The following AGMAT variants were observed in gnomAD, a reference collection of about 807,000 sequenced individuals.
AGMAT encodes the protein guanidino acid hydrolase, mitochondrial.
AGMAT carries 37 observed loss-of-function variants against 29.3 expected under a neutral mutation model. The observed-to-expected ratio is 1.26, with a 90% CI of 0.97 to 1.66. AGMAT has a LOEUF of 1.66. Among genes scored for constraint, AGMAT ranks in the 40% most tolerant of loss-of-function variants. The pLI, the probability that AGMAT is intolerant of heterozygous loss-of-function variation, is 0.00. For missense variants in AGMAT, 498 were observed against 497.8 expected (o/e 1.00, Z 0.00); for synonymous variants, 199 against 200.8 (o/e 0.99, Z 0.08).
chr1:15,577,228 A>G (rs1214051403), intron 5 of AGMAT, among the ~76,000 whole-genome samples: 1 of 152,074 alleles, frequency 6.6e-6, no homozygotes, highest in African/African-American at 2.4e-5. Context: ...AGGGTATTCA[A>G]ACTTATCCTC....
At chr1:15,580,632 C>T (rs1043276410) in intron 2 of AGMAT, among the ~76,000 whole-genome samples, 3 of 152,032 alleles carry the variant, frequency 2.0e-5, no homozygotes, top group African/African-American at 4.8e-5. Context: ...AAGCTGTGAT[C>T]GTGCCACTGC....
rs1301742709 is a variant in AGMAT, at chr1:15,577,705, C to T, written c.880G>A (p.Ala294Thr). 2.5e-6 allele frequency: 4 copies of T among 1,613,718 alleles called. No homozygotes were observed. Among genetic ancestry groups the T allele is most frequent in the Non-Finnish European group, 3.4e-6 (4 of 1,179,668 alleles). The stretch of plus-strand genomic sequence containing the variant: ...CTTACCTGACTAGGAGTGAGACCAG[C>T]AATTTCAGGTGTCCCTGTCCCTGGC... ...YAPGTGTPEI[A>T]GLTPSQALEI... Residue 294 changes from alanine to threonine, a missense_variant, in exon 5 of 7, where the codon GCT becomes ACT. Physicochemically the swap from Ala to Thr is moderately conservative, Grantham distance 58. Transcript: ENST00000375826.
intron 5 of AGMAT, among the ~76,000 whole-genome samples, chr1:15,576,655 C>A (rs1237000753): frequency 6.7e-6 from 1 of 149,626 alleles, no homozygotes; most frequent in African/African-American, 2.5e-5. Context: ...GTCTCGAACT[C>A]CTGACCTTGT....
At chr1:15,584,290 G>A (rs986365226) in intron 1 of AGMAT, among the ~76,000 whole-genome samples, 8 of 150,342 alleles carry the variant, frequency 5.3e-5, no homozygotes, top group African/African-American at 1.2e-4. Flanking sequence ...TTACAGGCCC[G>A]CGCCACCATG....
At position 15,573,385 on chromosome 1, in the gene AGMAT, C is replaced by T. The variant is rs186331666; in HGVS notation, c.*266G>A. 7.7e-4 allele frequency: 294 copies of T among 382,100 alleles called. No homozygotes were observed. Among genetic ancestry groups the T allele is most frequent in the Admixed American group, 1.1e-3 (28 of 26,002 alleles). 23.7% of individuals were successfully genotyped at this position (382,100 alleles called of 1,614,324 possible). A position where few individuals can be genotyped will look rare whatever the true frequency, so the allele number is the denominator to read the frequency against. On this transcript the variant is annotated 3_prime_UTR_variant, in exon 7 of 7. Transcript: ENST00000375826. ...TTGAAAGAAATTCTCCTCACTTCCC[C>T]TTTATCCTCCATCTTTCATCAAAGG...
At chr1:15,575,795 C>T (rs1459356009) in intron 5 of AGMAT, 4 of 151,948 alleles carry the variant, frequency 2.6e-5, no homozygotes, top group African/African-American at 4.8e-5. Flanking sequence ...CTCTGTCACC[C>T]GGGCTATAGT....
In AGMAT at chr1:15,580,162, A is replaced by G. The variant is rs1364951966; in HGVS notation, c.476-20T>C. On this transcript the variant is annotated intron_variant, in intron 2 of 6. Transcript: ENST00000375826. ...CTCCACCTGCAAAGAGGAAGAAGAA[A>G]ACATCTGGAAAGTGAATTGGAGGAT... 6.2e-7 allele frequency: 1 copy of G among 1,600,084 alleles called. No homozygotes were observed. Among genetic ancestry groups the G allele is most frequent in the African/African-American group, 1.3e-5 (1 of 74,442 alleles).
chr1:15,574,838 G>A lies in AGMAT; in HGVS notation c.904C>T (p.Leu302=), dbSNP rs369965318. The A allele has an allele frequency of 1.8e-5, 29 of 1,613,274 alleles. No homozygotes were observed. The highest frequency in any genetic ancestry group is 2.3e-5 in the Non-Finnish European group (27 of 1,179,444). ...EIAGLTPSQA[L]EIIRGCQGLN... ...CCTTGACAACCCCTGATGATCTCCA[G>A]AGCCTATTCAAGATCAAGACTGAGT... is the stretch of plus-strand genomic sequence containing the variant. The change falls in exon 6 of 7, where the codon CTG becomes TTG. Residue 302 remains leucine, a synonymous_variant. Coordinates refer to ENST00000375826, the MANE Select transcript of AGMAT (RefSeq NM_024758.5).
chr1:15,580,239 T>C (rs58813800), intron 2 of AGMAT, 97 bp from the exon 3 acceptor site: 1 of 1,063,200 alleles, frequency 9.4e-7, no homozygotes, highest in Non-Finnish European at 1.4e-6. Context: ...GTAGTTTTGC[T>C]CTGTTGTCCA....
rs772655853 is a variant in AGMAT at position 15,574,787 on chromosome 1, C to G, written c.955G>C (p.Val319Leu). The G allele has an allele frequency of 6.2e-7, 1 of 1,613,976 alleles. No individual in the cohort carries two copies. The highest frequency in any genetic ancestry group is 8.5e-7 in the Non-Finnish European group (1 of 1,179,908). The change falls in exon 6 of 7, where the codon GTC becomes CTC. Residue 319 changes from valine to leucine, a missense_variant. Physicochemically the swap from Val to Leu is conservative, Grantham distance 32 (BLOSUM62 1). Coordinates refer to ENST00000375826, the MANE Select transcript of AGMAT (RefSeq NM_024758.5). Reference protein sequence around the residue: ...QGLNVMGCDLVEVSPPYDLSG... With the variant: ...QGLNVMGCDLLEVSPPYDLSG... Reference sequence around the variant, plus strand: ...AGATCATACGGTGGTGAAACTTCGACAAGATCACAGCCCATCACGTTCAGG... The same window carrying G: ...AGATCATACGGTGGTGAAACTTCGAGAAGATCACAGCCCATCACGTTCAGG...
chr1:15,575,096 G>A (rs967151491), intron 5 of AGMAT: 2 of 354,478 alleles, frequency 5.6e-6, no homozygotes, highest in Admixed American at 3.9e-5. Flanking sequence ...TGCACCAAGG[G>A]CTTCAAGGAA....
At chr1:15,576,737 G>GTTTTTT (rs1420717123) in intron 5 of AGMAT, among the ~76,000 whole-genome samples, 1 of 31,586 alleles carries the variant, frequency 3.2e-5, no homozygotes, top group Non-Finnish European at 6.5e-5. Context: ...CAAGTTTAGT[G>GTTTTTT]TTCTTTTTTT....
chr1:15,584,639 C>A, intron 1 of AGMAT, 57 bp downstream of exon 1: 1 of 1,257,656 alleles, frequency 8.0e-7, no homozygotes, highest in Non-Finnish European at 1.0e-6. Flanking sequence ...TTTCCATGCC[C>A]GACAGCCAGC....
intron 4 of AGMAT, among the ~76,000 whole-genome samples, chr1:15,578,483 C>T (rs957049848): frequency 1.3e-5 from 2 of 151,926 alleles, no homozygotes; most frequent in Admixed American, 6.6e-5. Flanking sequence ...TTAGGAGAGA[C>T]GGGGTTTCAC....
chr1:15,584,228 C>G (rs181345614), intron 1 of AGMAT, among the ~76,000 whole-genome samples: 22 of 152,212 alleles, frequency 1.4e-4, no homozygotes, highest in Non-Finnish European at 2.4e-4. Context: ...CTGCAACCTC[C>G]GTCTCCCGGG....
intron 2 of AGMAT, among the ~76,000 whole-genome samples, chr1:15,582,034 C>G (rs933002122): frequency 4.0e-5 from 6 of 151,854 alleles, no homozygotes; most frequent in Non-Finnish European, 8.8e-5. Flanking sequence ...TTTGGAAGGC[C>G]GAGGTGGGCA....
chr1:15,573,476 A>ATTTTTTTTTTTTTT lies in AGMAT; in HGVS notation c.*174_*175insAAAAAAAAAAAAAA. On this transcript the variant is annotated 3_prime_UTR_variant, in exon 7 of 7. Coordinates refer to ENST00000375826, the MANE Select transcript of AGMAT (RefSeq NM_024758.5). ...CCCAATTAATCCAAGTTCCTTAGAA[A>ATTTTTTTTTTTTTT]TGTTGCTGTTTGGGTGAGAATTCTA... 1.8e-6 allele frequency: 1 copy of ATTTTTTTTTTTTTT among 562,210 alleles called. No individual in the cohort carries two copies. Among genetic ancestry groups the ATTTTTTTTTTTTTT allele is most frequent in the African/African-American group, 1.9e-5 (1 of 53,192 alleles). 34.8% of individuals were successfully genotyped at this position (562,210 alleles called of 1,614,324 possible).
At position 15,579,002 on chromosome 1, in the gene AGMAT, T is replaced by G. The variant is rs1242933162; in HGVS notation, c.577A>C (p.Lys193Gln). 6.2e-7 allele frequency: 1 copy of G among 1,614,114 alleles called. No individual in the cohort carries two copies. The highest frequency in any genetic ancestry group is 8.5e-7 in the Non-Finnish European group (1 of 1,180,010). The part of the protein sequence containing the change: ...HVDAHTDTTD[K>Q]ALGEKLYHGA... Reference sequence around the variant, plus strand: ...TGGTAGAGCTTCTCTCCTAGGGCCTTGTCGGTCGTGTCCGTGTGCGCATCC... The same window carrying G: ...TGGTAGAGCTTCTCTCCTAGGGCCTGGTCGGTCGTGTCCGTGTGCGCATCC... The change falls in exon 4 of 7, where the codon AAG becomes CAG. Residue 193 changes from lysine (K) to glutamine (Q), a missense_variant. Physicochemically the swap from Lys to Gln is moderately conservative, Grantham distance 53 (BLOSUM62 1). Transcript: ENST00000375826.
At chr1:15,580,201 CTTTTTTT>C (rs34166013) in intron 2 of AGMAT, 59 bp from the exon 3 acceptor site, 34 of 567,816 alleles carry the variant, frequency 6.0e-5, no homozygotes, top group East Asian at 1.8e-4. Context: ...ATAGAATAAT[CTTTTTTT>C]TTTTTTTTTT....
Sources: gnomAD v4.1 joint callset for allele counts (sites outside exome capture counted in the v4.1 genomes callset) on GRCh38, gnomAD v4.1.1 for gene constraint, MANE v1.5 for transcripts, NCBI Gene and HGNC (gene_info 2026-07-23, HGNC 2026-07-21) for gene names.